Variants in RBM6 observed in about 807,000 individuals in gnomAD.
The protein encoded by RBM6 is RNA-binding protein 6.
A neutral mutation model predicts 140.4 loss-of-function variants in RBM6; 23 were observed. The observed-to-expected ratio is 0.16, with a 90% CI of 0.12 to 0.23. RBM6 has a LOEUF of 0.23. RBM6 is among the 10% of genes least tolerant of loss of function. RBM6 has a pLI of 1.00. For missense variants in RBM6, 1,139 were observed against 1,386.7 expected (o/e 0.82, Z 2.84); for synonymous variants, 439 against 475.6 (o/e 0.92, Z 1.00).
chr3:50,069,324 G>GCGA (rs1478133525), intron 18 of RBM6, among the ~76,000 whole-genome samples: 1 of 152,052 alleles, frequency 6.6e-6, no homozygotes, highest in Non-Finnish European at 1.5e-5. Flanking sequence ...ACCAGCCTGG[G>GCGA]CGACATGGCG....
At chr3:49,953,042 G>A (rs535365216) in intron 1 of RBM6, among the ~76,000 whole-genome samples, 11 of 148,902 alleles carry the variant, frequency 7.4e-5, no homozygotes, top group South Asian at 2.1e-4. Context: ...GCCAATGTGC[G>A]CAGCTTACCT....
At chr3:50,075,442 G>C in intron 20 of RBM6, 112 bp downstream of exon 20, 1 of 1,398,062 alleles carries the variant, frequency 7.2e-7, no homozygotes, top group Non-Finnish European at 9.8e-7. Context: ...CTCTACTGCT[G>C]GGATAGGACA....
intron 6 of RBM6, among the ~76,000 whole-genome samples, chr3:50,026,568 C>T (rs969599990): frequency 6.6e-6 from 1 of 150,792 alleles, no homozygotes; most frequent in Admixed American, 6.6e-5. Context: ...TTTAGTAAAG[C>T]CAGAGTCCCA....
At chr3:49,942,069 C>T (rs2083306765) in intron 1 of RBM6, among the ~76,000 whole-genome samples, 1 of 150,026 alleles carries the variant, frequency 6.7e-6, no homozygotes, top group African/African-American at 2.5e-5. Context: ...CCACTGCACT[C>T]CAACCTGGGC....
At chr3:49,969,623 G>A (rs1307845850) in intron 3 of RBM6, among the ~76,000 whole-genome samples, 2 of 150,760 alleles carry the variant, frequency 1.3e-5, no homozygotes, top group Non-Finnish European at 3.0e-5. Context: ...TTTGAGACAC[G>A]GTCTTGCTCT....
intron 6 of RBM6, among the ~76,000 whole-genome samples, chr3:50,019,983 A>G (rs754550819): frequency 1.3e-5 from 2 of 151,940 alleles, no homozygotes; most frequent in Non-Finnish European, 1.5e-5. Context: ...CAGTGGCACA[A>G]TCACAGCTCA....
At chr3:49,994,407 C>G (rs35012435) in intron 5 of RBM6, among the ~76,000 whole-genome samples, 2 of 152,068 alleles carry the variant, frequency 1.3e-5, no homozygotes, top group Admixed American at 1.3e-4. Flanking sequence ...GGAAATCTTG[C>G]GCACAAAGCC....
intron 11 of RBM6, 34 bp from the exon 12 acceptor site, chr3:50,060,922 G>A: frequency 4.6e-6 from 7 of 1,527,890 alleles, no homozygotes; most frequent in Non-Finnish European, 5.3e-6. Flanking sequence ...CCACTTGGTA[G>A]CAGCCTTAAG....
At chr3:50,075,861 C>G (rs557416402) in intron 20 of RBM6, among the ~76,000 whole-genome samples, 1 of 152,284 alleles carries the variant, frequency 6.6e-6, no homozygotes, top group Non-Finnish European at 1.5e-5. Context: ...GCTTATTTCT[C>G]TCCTACCGAG....
intron 6 of RBM6, among the ~76,000 whole-genome samples, chr3:50,045,174 G>A (rs1241237628): frequency 1.3e-5 from 2 of 152,150 alleles, no homozygotes; most frequent in Non-Finnish European, 2.9e-5. Context: ...CACAGCTACT[G>A]GAACATTTTT....
intron 6 of RBM6, among the ~76,000 whole-genome samples, chr3:50,022,462 C>A (rs1040522431): frequency 6.6e-6 from 1 of 151,906 alleles, no homozygotes; most frequent in African/African-American, 2.4e-5. Context: ...TCCCGAGTAG[C>A]TGGGATTATA....
chr3:50,041,433 C>T (rs1323818420), intron 6 of RBM6, among the ~76,000 whole-genome samples: 1 of 152,204 alleles, frequency 6.6e-6, no homozygotes, highest in East Asian at 1.9e-4. Flanking sequence ...CTTCCCTCTT[C>T]TATCTCATTT....
chr3:50,049,596 C>T (rs753609637), intron 7 of RBM6, among the ~76,000 whole-genome samples: 4 of 151,456 alleles, frequency 2.6e-5, no homozygotes, highest in South Asian at 4.2e-4. Context: ...TTGTTAGTCT[C>T]GGTAGAATTG....
At chr3:50,043,339 C>T (rs780901356) in intron 6 of RBM6, among the ~76,000 whole-genome samples, 7 of 151,570 alleles carry the variant, frequency 4.6e-5, no homozygotes, top group Non-Finnish European at 5.9e-5. Context: ...AAAAATTATC[C>T]CGGTGTAGTG....
At chr3:49,949,952 G>A (rs1444093033) in intron 1 of RBM6, among the ~76,000 whole-genome samples, 2 of 151,982 alleles carry the variant, frequency 1.3e-5, no homozygotes, top group Non-Finnish European at 2.9e-5. Flanking sequence ...TGAATTCCTG[G>A]TCTCAAGTGA....
At position 49,982,374 on chromosome 3, in the gene RBM6, C is replaced by A. The variant is rs1312831333; in HGVS notation, c.1483+6982C>A. On this transcript the variant is annotated intron_variant, in intron 5 of 20. Transcript: ENST00000266022. ...CCTCCCACCTTAGCTTCCTGAGTAG[C>A]TGGGACTACAGGCGTGTGCCACCAT... Among the ~76,000 whole-genome samples, 3 of 145,518 alleles carry A rather than the reference C, an allele frequency of 2.1e-5. No individual in the cohort carries two copies. The East Asian group carries it at 6.2e-4, about 30-fold the overall frequency.
chr3:49,956,138 C>T (rs1023499530), intron 1 of RBM6, among the ~76,000 whole-genome samples: 11 of 151,510 alleles, frequency 7.3e-5, no homozygotes, highest in African/African-American at 2.4e-4. Context: ...TCCTCCTGTC[C>T]CAGTCTCCTG....
At chr3:50,036,661 T>C (rs914246133) in intron 6 of RBM6, among the ~76,000 whole-genome samples, 1 of 152,260 alleles carries the variant, frequency 6.6e-6, no homozygotes, top group Non-Finnish European at 1.5e-5. Flanking sequence ...CTCATTTTTA[T>C]CAAGGGCTGA....
At chr3:49,955,160 CTTTTTTTTTTTTTTTT>C (rs869272546) in intron 1 of RBM6, among the ~76,000 whole-genome samples, 1 of 72,706 alleles carries the variant, frequency 1.4e-5, no homozygotes, top group African/African-American at 5.8e-5. Context: ...TTTTTTCTTT[CTTTTTTTTTTTTTTTT>C]TTTTTTTTGA....
Sources: allele counts gnomAD v4.1 joint callset (sites outside exome capture counted in the v4.1 genomes callset), GRCh38; gene constraint gnomAD v4.1.1; transcripts MANE v1.5; gene names NCBI Gene and HGNC (gene_info 2026-07-23, HGNC 2026-07-21).